MAD1L1: variants seen among roughly 807,000 people sequenced by gnomAD.
The protein encoded by MAD1L1 is mitotic spindle assembly checkpoint protein MAD1.
MAD1L1 carries 95 observed loss-of-function variants against 96.9 expected under a neutral mutation model. That is an observed-to-expected ratio of 0.98 (90% CI 0.83 to 1.16). MAD1L1 has a LOEUF of 1.16. MAD1L1 is among the 50% of genes most tolerant of loss of function. The probability of loss-of-function intolerance (pLI) is 0.00; values close to 1 mark genes in which losing one functional copy is unlikely to be tolerated. For synonymous variants in MAD1L1, 473 were observed against 396.6 expected, an observed-to-expected ratio of 1.19 and a Z score of -2.29; for missense variants, 1,007 against 954.4, an observed-to-expected ratio of 1.06 and a Z score of -0.73.
intron 17 of MAD1L1, among the ~76,000 whole-genome samples, chr7:1,902,768 G>A (rs1787328436): frequency 6.6e-6 from 1 of 152,248 alleles, no homozygotes; most frequent in Non-Finnish European, 1.5e-5. Flanking sequence ...AGGACGCAGT[G>A]GCCTACGGAA....
intron 12 of MAD1L1, among the ~76,000 whole-genome samples, chr7:2,067,956 C>T (rs1584243200): frequency 6.7e-6 from 1 of 148,506 alleles, no homozygotes; most frequent in East Asian, 1.9e-4. Context: ...GTGCACCTCA[C>T]GCATCTTGCT....
rs935959286 is a variant in MAD1L1, at chr7:2,142,853, C to A, written c.1073+6299G>T. The stretch of plus-strand genomic sequence containing the variant: ...TGGTCAGTTCAAGGGCAGGCCAGAA[C>A]TGGCCATCCCGATGTGCTCTCTCAC... On this transcript the variant is annotated intron_variant, in intron 11 of 18. Transcript: ENST00000265854. The surrounding 1 kb of genome is among the most constrained non-coding windows in gnomAD (Gnocchi z 4.7). 1.3e-5 allele frequency among the ~76,000 whole-genome samples: 2 copies of A among 152,224 alleles called. No homozygotes were observed. The highest frequency in any genetic ancestry group is 1.3e-4 in the Admixed American group (2 of 15,288).
At chr7:1,825,805 CA>C (rs1201819917) in intron 18 of MAD1L1, among the ~76,000 whole-genome samples, 1 of 152,150 alleles carries the variant, frequency 6.6e-6, no homozygotes, top group Non-Finnish European at 1.5e-5. Context: ...CTCATCCCAG[CA>C]GGTGCTGCTG....
chr7:2,216,151 C>A lies in MAD1L1; in HGVS notation c.809+6G>T. ...GGCGGCTGCCCCATCCCCCGCAACC[C>A]CTCACCGCAGGTGCGCGCTCTCCTC... On this transcript the variant is annotated splice_donor_region_variant and intron_variant, in intron 8 of 18. Transcript: ENST00000265854. 1 of 1,612,122 alleles carries A rather than the reference C, an allele frequency of 6.2e-7. No individual in the cohort carries two copies. The highest frequency in any genetic ancestry group is 1.1e-5 in the South Asian group (1 of 90,924).
intron 10 of MAD1L1, among the ~76,000 whole-genome samples, chr7:2,171,190 C>T (rs1584477844): frequency 6.6e-6 from 1 of 152,202 alleles, no homozygotes; most frequent in Non-Finnish European, 1.5e-5. Context: ...ACGTTTCCTG[C>T]GTATCGTGCC....
chr7:1,952,787 G>A (rs755956107), intron 16 of MAD1L1, among the ~76,000 whole-genome samples: 3 of 152,258 alleles, frequency 2.0e-5, no homozygotes, highest in Non-Finnish European at 4.4e-5. Flanking sequence ...CCGGTCCAGA[G>A]GCCACACTCT....
At chr7:2,001,926 C>G in intron 14 of MAD1L1, 139 bp downstream of exon 14, 1 of 857,342 alleles carries the variant, frequency 1.2e-6, no homozygotes, top group South Asian at 1.5e-5. Context: ...CACCCTTCCC[C>G]GCTCAACGCA....
intron 18 of MAD1L1, chr7:1,846,832 T>G (rs1672621391): frequency 4.9e-6 from 1 of 203,814 alleles, no homozygotes; most frequent in Non-Finnish European, 1.0e-5. Flanking sequence ...GCAATTTGCG[T>G]GTGCAAGATG....
At chr7:1,982,171 T>C (rs1010932887) in intron 14 of MAD1L1, among the ~76,000 whole-genome samples, 1 of 151,846 alleles carries the variant, frequency 6.6e-6, no homozygotes, top group Non-Finnish European at 1.5e-5. Context: ...ATTTGGTACC[T>C]TGCTTTTTTT....
chr7:2,101,664 G>A lies in MAD1L1; in HGVS notation c.1074-32326C>T, dbSNP rs544993764. Among the ~76,000 whole-genome samples, 4 of 152,324 alleles carry A rather than the reference G, an allele frequency of 2.6e-5. No homozygotes were observed. The South Asian group carries it at 8.3e-4, about 32-fold the overall frequency. On this transcript the variant is annotated intron_variant, in intron 11 of 18. Transcript: ENST00000265854. ...CCAGGAGGCTGTGCACCTGGACCCT[G>A]AGAGCCAGTAAAGAACAAAGACGCT...
chr7:2,069,103 C>T, intron 12 of MAD1L1, 91 bp downstream of exon 12: 1 of 1,435,732 alleles, frequency 7.0e-7, no homozygotes, highest in East Asian at 2.7e-5. Context: ...GGCTGCAGCA[C>T]TCCTGCCTCC....
chr7:1,899,858 G>T (rs1007730799), intron 17 of MAD1L1, among the ~76,000 whole-genome samples: 4 of 152,178 alleles, frequency 2.6e-5, no homozygotes, highest in Admixed American at 2.6e-4. Flanking sequence ...CAGGGACAGG[G>T]GAGCCAGGTG....
intron 18 of MAD1L1, chr7:1,849,403 C>A (rs114338162): frequency 2.0e-5 from 3 of 152,386 alleles, no homozygotes; most frequent in African/African-American, 7.2e-5. Flanking sequence ...AAGCAGCCCA[C>A]ACGTCTTAGC....
intron 11 of MAD1L1, among the ~76,000 whole-genome samples, chr7:2,073,591 G>A (rs763970640): frequency 6.6e-5 from 10 of 152,222 alleles, no homozygotes; most frequent in African/African-American, 1.2e-4. Flanking sequence ...CTCGCCTCTC[G>A]TGTCTGGCTG....
At chr7:2,135,788 G>C (rs1788721014) in intron 11 of MAD1L1, among the ~76,000 whole-genome samples, 1 of 152,254 alleles carries the variant, frequency 6.6e-6, no homozygotes, top group Admixed American at 6.5e-5. Context: ...CCAAGGGAAA[G>C]TACACTCATG....
At chr7:2,115,429 G>A (rs1482293482) in intron 11 of MAD1L1, among the ~76,000 whole-genome samples, 1 of 146,754 alleles carries the variant, frequency 6.8e-6, no homozygotes, top group Non-Finnish European at 1.5e-5. Context: ...GGTCAGAGGA[G>A]GTGCTGGACA....
intron 10 of MAD1L1, among the ~76,000 whole-genome samples, chr7:2,163,160 C>T (rs1445254152): frequency 3.9e-5 from 6 of 152,222 alleles, no homozygotes; most frequent in African/African-American, 7.2e-5. Context: ...AGGCACAAAC[C>T]GGCACATTAA....
At chr7:2,200,603 G>C (rs1792238374) in intron 10 of MAD1L1, 1 of 152,316 alleles carries the variant, frequency 6.6e-6, no homozygotes, top group Non-Finnish European at 1.5e-5. Flanking sequence ...AGGAAAGTCA[G>C]ATCACTTAGT....
intron 17 of MAD1L1, among the ~76,000 whole-genome samples, chr7:1,917,458 C>T (rs1039005826): frequency 2.6e-5 from 4 of 152,216 alleles, no homozygotes; most frequent in Non-Finnish European, 5.9e-5. Flanking sequence ...GAGCTCCCAG[C>T]AGCGCCGCCC....
Sources: allele counts gnomAD v4.1 joint callset (sites outside exome capture counted in the v4.1 genomes callset), GRCh38; gene constraint gnomAD v4.1.1; non-coding constraint Gnocchi (gnomAD v3.1); transcripts MANE v1.5; gene names NCBI Gene and HGNC (gene_info 2026-07-23, HGNC 2026-07-21).